The following IRAG2 variants were observed in gnomAD, a reference collection of about 807,000 sequenced individuals.
IRAG2 encodes the protein lymphoid restricted membrane protein.
Under a neutral mutation model 69.9 loss-of-function variants are expected in IRAG2, and 45 were observed. The ratio of observed to expected loss-of-function variants is 0.64; its 90% CI spans 0.51 to 0.83. The LOEUF is 0.83. Ranked by LOEUF, IRAG2 falls within the 40% of genes least tolerant of loss-of-function variation. The pLI is 0.00. For missense variants in IRAG2, 520 were observed against 587.0 expected, an observed-to-expected ratio of 0.89 and a Z score of 1.18; for synonymous variants, 193 against 202.4, an observed-to-expected ratio of 0.95 and a Z score of 0.40.
At chr12:25,069,467 T>C (rs1253028295) in intron 6 of IRAG2, 36 bp downstream of exon 6, 1 of 1,584,128 alleles carries the variant, frequency 6.3e-7, no homozygotes, top group Non-Finnish European at 8.7e-7. Flanking sequence ...TCATTTTCAG[T>C]ATTACCATAT....
chr12:25,044,399 G>T (rs1441757013), intron 16 of IRAG2, among the ~76,000 whole-genome samples: 1 of 151,948 alleles, frequency 6.6e-6, no homozygotes, highest in African/African-American at 2.4e-5. Context: ...TAATAAAATG[G>T]CAGTAGTAAG....
rs114712438 is a variant in IRAG2, at chr12:25,101,265, G to C, written c.829G>C (p.Glu277Gln). 215 of 1,612,456 alleles carry C rather than the reference G, an allele frequency of 1.3e-4. No homozygotes were observed. In the African/African-American group the frequency reaches 2.6e-3, roughly 20 times the overall value. The change falls in exon 16 of 22, where the codon GAA (glutamate) becomes CAA (glutamine). Residue 277 changes from glutamate to glutamine, a missense_variant. Coordinates refer to ENST00000556887, the MANE Select transcript of IRAG2 (RefSeq NM_001366544.2). ...RMYAKEHAEL[E>Q]ELKQVLLQNE... ...GTATGCCAAAGAGCACGCTGAATTA[G>C]AAGAACTGAAACAGGTTCTTCTGCA... is the stretch of plus-strand genomic sequence containing the variant.
intron 17 of IRAG2, chr12:25,103,602 A>G (rs1948874608): frequency 4.2e-6 from 2 of 478,382 alleles, no homozygotes; most frequent in East Asian, 3.5e-5. Flanking sequence ...AACAAATTGT[A>G]TATTTGTTAG....
intron 7 of IRAG2, among the ~76,000 whole-genome samples, chr12:25,022,842 G>A (rs946824116): frequency 2.0e-5 from 3 of 152,096 alleles, no homozygotes; most frequent in African/African-American, 7.2e-5. Flanking sequence ...AAATGGTAGG[G>A]CCACCGGGCG....
At chr12:25,016,174 C>T (rs997266458) in intron 5 of IRAG2, among the ~76,000 whole-genome samples, 3 of 145,220 alleles carry the variant, frequency 2.1e-5, no homozygotes, top group Admixed American at 7.1e-5. Flanking sequence ...CTAGCCTGGG[C>T]GACAGAGCGA....
At chr12:25,088,883 G>A (rs995179845) in intron 11 of IRAG2, among the ~76,000 whole-genome samples, 2 of 152,060 alleles carry the variant, frequency 1.3e-5, no homozygotes, top group East Asian at 1.9e-4. Flanking sequence ...TGGCACCAAA[G>A]TTCTCATAAA....
At chr12:25,006,951 C>T (rs1005791245) in intron 2 of IRAG2, among the ~76,000 whole-genome samples, 2 of 151,864 alleles carry the variant, frequency 1.3e-5, no homozygotes, top group African/African-American at 4.8e-5. Flanking sequence ...TACTGACAAG[C>T]GAAAAGAAGG....
intron 1 of IRAG2, among the ~76,000 whole-genome samples, chr12:25,053,311 T>G (rs1944976358): frequency 6.6e-6 from 1 of 151,658 alleles, no homozygotes; most frequent in Admixed American, 6.6e-5. Context: ...TATATTATAC[T>G]CTGATTTTAT....
At chr12:25,029,807 A>C (rs1279708889) in intron 9 of IRAG2, among the ~76,000 whole-genome samples, 1 of 152,150 alleles carries the variant, frequency 6.6e-6, no homozygotes, top group Non-Finnish European at 1.5e-5. Flanking sequence ...CAGCCTCCCG[A>C]GTGCCTGAGA....
At chr12:25,100,479 G>C (rs1014674545) in intron 15 of IRAG2, among the ~76,000 whole-genome samples, 18 of 152,094 alleles carry the variant, frequency 1.2e-4, no homozygotes, top group Admixed American at 2.6e-4. Context: ...GTTTCACTGG[G>C]GTACTCCTAA....
Position 25,096,924 on chromosome 12 carries a change from G to C in IRAG2, c.621G>C (p.Leu207=), listed in dbSNP as rs1204290933. The C allele has an allele frequency of 6.2e-7, 1 of 1,613,004 alleles. No homozygotes were observed. The highest frequency in any genetic ancestry group is 1.3e-5 in the African/African-American group (1 of 74,964). ...CLKLLESLTP[L]CEDDNQAQEI... is the part of the protein sequence containing the mutation. Reference sequence around the variant, plus strand: ...TTTCTATACAGTCTTTAACACCTCTGTGTGAAGATGACAACCAGGCACAGG... The same window carrying C: ...TTTCTATACAGTCTTTAACACCTCTCTGTGAAGATGACAACCAGGCACAGG... The change falls in exon 15 of 22, where the codon CTG becomes CTC. Residue 207 remains leucine (L), a synonymous_variant. Coordinates refer to ENST00000556887, the MANE Select transcript of IRAG2 (RefSeq NM_001366544.2).
At chr12:25,025,689 T>A (rs980924731) in intron 8 of IRAG2, among the ~76,000 whole-genome samples, 33 of 152,174 alleles carry the variant, frequency 2.2e-4, no homozygotes, top group Admixed American at 6.5e-5. Context: ...TTTGCAATGA[T>A]CCAGTCAAAA....
rs963322232 is a variant in IRAG2 at position 25,107,894 on chromosome 12, T to G, written c.1334T>G (p.Ile445Ser). Residue 445 changes from isoleucine (I) to serine (S), a missense_variant, in exon 22 of 22, where the codon ATT becomes AGT. By Grantham distance (142) the Ile-to-Ser change is moderately radical. Transcript: ENST00000556887. ...GCTAATAAGGCCCTCTGGCTCTCTA[T>G]TGCATTCATTGTACTGTTTGCAGCT... ...RKANKALWLS[I>S]AFIVLFAALM... 1.9e-6 allele frequency: 3 copies of G among 1,614,202 alleles called. No homozygotes were observed. Among genetic ancestry groups the G allele is most frequent in the Non-Finnish European group, 2.5e-6 (3 of 1,180,000 alleles).
At chr12:24,997,765 A>T in the IRAG2 span, among the ~76,000 whole-genome samples, 11 of 152,202 alleles carry the variant, frequency 7.2e-5, no homozygotes, top group African/African-American at 2.7e-4. Flanking sequence ...GCTTGTGGCA[A>T]AAGGGACAAA....
At chr12:25,097,175 ATACATATGTG>A in intron 15 of IRAG2, 131 bp downstream of exon 15, 3 of 760,534 alleles carry the variant, frequency 3.9e-6, no homozygotes, top group Non-Finnish European at 6.0e-6. Flanking sequence ...TATGCGTTTA[ATACATATGTG>A]TTTAATACAG....
At chr12:25,034,900 T>A (rs1944692466) in intron 13 of IRAG2, among the ~76,000 whole-genome samples, 1 of 152,242 alleles carries the variant, frequency 6.6e-6, no homozygotes, top group Non-Finnish European at 1.5e-5. Flanking sequence ...CTGTTTCAAA[T>A]ACTCATCATT....
upstream of IRAG2, among the ~76,000 whole-genome samples, chr12:25,003,250 T>G (rs1944405698): frequency 6.6e-6 from 1 of 152,244 alleles, no homozygotes; most frequent in African/African-American, 2.4e-5. Flanking sequence ...AAAATCATAG[T>G]TTTTGAAATC....
At chr12:25,017,121 CT>C in intron 5 of IRAG2, 1 of 1,231,308 alleles carries the variant, frequency 8.1e-7, no homozygotes, top group Admixed American at 4.2e-5. Context: ...CTCATCTATT[CT>C]TTTACTTGCA....
chr12:25,050,373 C>CA (rs1344139864), upstream of IRAG2, among the ~76,000 whole-genome samples: 1 of 150,764 alleles, frequency 6.6e-6, no homozygotes, highest in Non-Finnish European at 1.5e-5. Context: ...TACTAAAATA[C>CA]AAAAAATTAG....
Sources: allele counts gnomAD v4.1 joint callset (sites outside exome capture counted in the v4.1 genomes callset), GRCh38; gene constraint gnomAD v4.1.1; transcripts MANE v1.5; gene names NCBI Gene and HGNC (gene_info 2026-07-23, HGNC 2026-07-21).